The following SLC26A1 variants were observed in gnomAD, a reference collection of about 807,000 sequenced individuals.
The protein encoded by SLC26A1 is solute carrier family 26 member 1, also known as sulfate anion transporter 1.
SLC26A1 carries 18 observed loss-of-function variants against 14.5 expected under a neutral mutation model. The observed-to-expected ratio is 1.24, with a 90% confidence interval of 0.86 to 1.84. The LOEUF (loss-of-function observed/expected upper bound fraction) is 1.84. Among genes scored for constraint, SLC26A1 ranks in the 40% most tolerant of loss-of-function variants. SLC26A1 has a pLI of 0.00. For synonymous variants in SLC26A1, 505 were observed against 492.0 expected (o/e 1.03, Z -0.35); for missense variants, 1,049 against 1,020.0 (o/e 1.03, Z -0.39).
At chr4:982,099 A>G (rs1025060976) in intron 2 of SLC26A1, among the ~76,000 whole-genome samples, 1 of 151,640 alleles carries the variant, frequency 6.6e-6, no homozygotes, top group African/African-American at 2.4e-5. Flanking sequence ...TATTACAGGC[A>G]TGAGCCAGCG....
chr4:987,003 T>C, downstream of SLC26A1: 2 of 1,092,970 alleles, frequency 1.8e-6, no homozygotes, highest in Admixed American at 2.5e-5. Flanking sequence ...GGCGGTCACA[T>C]GGGGTGCGCG....
intron 1 of SLC26A1, chr4:992,168 C>T (rs1363846828): frequency 4.3e-6 from 2 of 465,430 alleles, no homozygotes; most frequent in Admixed American, 2.3e-5. Flanking sequence ...GTCACAGTCA[C>T]TGGACACAGG....
At chr4:985,454 C>T (rs1037525198), downstream of SLC26A1, among the ~76,000 whole-genome samples, 4 of 152,250 alleles carry the variant, frequency 2.6e-5, no homozygotes, top group African/African-American at 9.6e-5. Context: ...ATTCAGTTTC[C>T]ATTGCTGTGT....
At position 991,498 on chromosome 4, in the gene SLC26A1, A is replaced by G. The variant is rs201305899; in HGVS notation, c.206T>C (p.Leu69Pro). The change falls in exon 2 of 3, where the codon CTG becomes CCG. Residue 69 changes from leucine to proline, a missense_variant. Transcript: ENST00000398516. ...WLRQYRPREY[L>P]AGDVMSGLVI... is the part of the protein sequence containing the mutation. Reference sequence around the variant, plus strand: ...CAGCCCAGACATGACGTCGCCTGCCAGGTACTCCCGCGGGCGGTACTGACG... The same window carrying G: ...CAGCCCAGACATGACGTCGCCTGCCGGGTACTCCCGCGGGCGGTACTGACG... The G allele has an allele frequency of 2.5e-5, 41 of 1,610,182 alleles. No individual in the cohort carries two copies. The highest frequency in any genetic ancestry group is 3.4e-5 in the Non-Finnish European group (40 of 1,178,018).
chr4:992,154 G>A (rs1714408968), intron 1 of SLC26A1: 1 of 470,488 alleles, frequency 2.1e-6, no homozygotes, highest in South Asian at 1.5e-5. Context: ...CCTACCGTCA[G>A]AATGTCACAG....
chr4:985,490 G>A (rs1713682635), downstream of SLC26A1, among the ~76,000 whole-genome samples: 1 of 152,228 alleles, frequency 6.6e-6, no homozygotes, highest in Non-Finnish European at 1.5e-5. Flanking sequence ...GGGACTGGTG[G>A]TTTCTTACTG....
downstream of SLC26A1, chr4:986,873 A>T (rs1217611993): frequency 3.0e-5 from 20 of 655,744 alleles, no homozygotes; most frequent in East Asian, 5.8e-4. Flanking sequence ...GCAGCCCCTG[A>T]GGCCCGCAAG....
In SLC26A1 at chr4:990,095, C is replaced by T. The variant is rs369252520; in HGVS notation, c.844G>A (p.Asp282Asn). ...ACCCTCAGGCGGTGTCGGTAGCGGT[C>T]TGAGAGCTCCTTCGCGGCTAGCAGC... ...AVLLAAKELSDRYRHRLRVPL... is the reference protein window; with the variant it reads ...AVLLAAKELSNRYRHRLRVPL... The change falls in exon 3 of 3, where the codon GAC becomes AAC. Residue 282 changes from aspartate (D) to asparagine (N), a missense_variant. Asp to Asn is a conservative substitution (Grantham distance 23). Transcript: ENST00000398516. The T allele has an allele frequency of 1.1e-5, 17 of 1,594,908 alleles. No homozygotes were observed. The highest frequency in any genetic ancestry group is 1.4e-5 in the Non-Finnish European group (17 of 1,172,758).
At position 991,402 on chromosome 4, in the gene SLC26A1, C is replaced by T. The variant is rs1389494091; in HGVS notation, c.302G>A (p.Ser101Asn). Residue 101 changes from serine (S) to asparagine (N), a missense_variant, in exon 2 of 3, where the codon AGC becomes AAC. Ser to Asn is a conservative substitution (Grantham distance 46). Transcript: ENST00000398516. ...GTTGGCGAAGAAGGACGTATAGAGGCTGTAGATGGGCTGCAGCCCGGCCAG... is the reference window on the plus strand; with the variant it reads ...GTTGGCGAAGAAGGACGTATAGAGGTTGTAGATGGGCTGCAGCCCGGCCAG... ...SLLAGLQPIY[S>N]LYTSFFANLI... is the part of the protein sequence containing the mutation. 1.2e-6 allele frequency: 2 copies of T among 1,612,838 alleles called. No individual in the cohort carries two copies. Among genetic ancestry groups the T allele is most frequent in the Non-Finnish European group, 1.7e-6 (2 of 1,179,972 alleles).
Position 988,221 on chromosome 4 carries a change from C to T in SLC26A1, c.*612G>A. 1 of 1,322,438 alleles carries T rather than the reference C, an allele frequency of 7.6e-7. No individual in the cohort carries two copies. 81.9% of individuals were successfully genotyped at this position (1,322,438 alleles called of 1,614,324 possible). On this transcript the variant is annotated 3_prime_UTR_variant, in exon 3 of 3. Transcript: ENST00000398516. The stretch of plus-strand genomic sequence containing the variant: ...GGCTCCTGGTGCACCCGTGAGCATC[C>T]CTGTGTGTGTCTGCTGGCCAGGCTG...
In SLC26A1 at chr4:987,956, G is replaced by A. The variant is rs200911718; in HGVS notation, c.*877C>T. The A allele has an allele frequency of 4.3e-3, 6,760 of 1,565,320 alleles. 32 individuals are homozygous for A. The highest frequency in any genetic ancestry group is 5.3e-3 in the Non-Finnish European group (6,117 of 1,155,180). On this transcript the variant is annotated 3_prime_UTR_variant, in exon 3 of 3. Transcript: ENST00000398516. ...TGGAGCTTGTCACCACCAGGTGGGC[G>A]GCGGGCAGGGTCTGGGCGTCCCAGA...
At chr4:980,717 AGAAG>A (rs1219344030) in intron 2 of SLC26A1, among the ~76,000 whole-genome samples, 2 of 152,114 alleles carry the variant, frequency 1.3e-5, no homozygotes, top group Non-Finnish European at 2.9e-5. Context: ...TAAGAAAAAA[AGAAG>A]GAAGGATTAC....
downstream of SLC26A1, among the ~76,000 whole-genome samples, chr4:986,349 A>G (rs1325158289): frequency 6.6e-6 from 1 of 152,206 alleles, no homozygotes; most frequent in Non-Finnish European, 1.5e-5. Flanking sequence ...CCCAGATACC[A>G]AAATTTGCAG....
At chr4:987,266 A>AC, downstream of SLC26A1, 1 of 1,511,260 alleles carries the variant, frequency 6.6e-7, no homozygotes, top group South Asian at 1.2e-5. Flanking sequence ...GGCCTCCGGG[A>AC]CCCCCTGGCC....
downstream of SLC26A1, chr4:986,887 G>A (rs377110114): frequency 6.0e-6 from 4 of 663,114 alleles, no homozygotes; most frequent in South Asian, 4.5e-5. Context: ...CCGCAAGGAA[G>A]CGGGGCTCCA....
In SLC26A1 at chr4:991,115, C is replaced by T. The variant is rs1193523884; in HGVS notation, c.576+13G>A. 6.6e-7 allele frequency: 1 copy of T among 1,524,460 alleles called. No homozygotes were observed. Among genetic ancestry groups the T allele is most frequent in the Non-Finnish European group, 8.8e-7 (1 of 1,135,542 alleles). 94.4% of individuals were successfully genotyped at this position (1,524,460 alleles called of 1,614,324 possible). On this transcript the variant is annotated intron_variant, in intron 2 of 2. Transcript: ENST00000398516. ...CCCTGGGCCCCTCCCTGTGCCCAAG[C>T]AGGGCTCCTCACCTGGTAAAGCCCG... is the stretch of plus-strand genomic sequence containing the variant.
chr4:984,636 G>A (rs564057079), downstream of SLC26A1, among the ~76,000 whole-genome samples: 1 of 152,140 alleles, frequency 6.6e-6, no homozygotes, highest in African/African-American at 2.4e-5. Flanking sequence ...GTCGAGACCA[G>A]CCTGGCCAGG....
Position 989,096 on chromosome 4 carries a change from C to T in SLC26A1, c.1843G>A (p.Asp615Asn), listed in dbSNP as rs369871590. 1.2e-5 allele frequency: 20 copies of T among 1,602,090 alleles called. No individual in the cohort carries two copies. Among genetic ancestry groups the T allele is most frequent in the East Asian group, 2.3e-5 (1 of 44,170 alleles). ...TCTAGGAACAGCAGCGGGGCGCAGT[C>T]GATGACCACTGTGTGGAAGCCGGCC... ...AAAGFHTVVI[D>N]CAPLLFLDAA... is the part of the protein sequence containing the mutation. Residue 615 changes from aspartate (D) to asparagine (N), a missense_variant, in exon 3 of 3, where the codon GAC (aspartate) becomes AAC (asparagine). Physicochemically the swap from Asp to Asn is conservative, Grantham distance 23. Coordinates refer to ENST00000398516, the MANE Select transcript of SLC26A1 (RefSeq NM_022042.4).
Position 990,377 on chromosome 4 carries a change from C to G in SLC26A1, c.577-15G>C, listed in dbSNP as rs192314032. Reference sequence around the variant, plus strand: ...CCCATGAGGACCTGTGGACGGAGTGCGGTCAGGCCAGCAGGCGCCTGGCGG... The same window carrying G: ...CCCATGAGGACCTGTGGACGGAGTGGGGTCAGGCCAGCAGGCGCCTGGCGG... On this transcript the variant is annotated splice_polypyrimidine_tract_variant and intron_variant, in intron 2 of 2. Coordinates refer to ENST00000398516, the MANE Select transcript of SLC26A1 (RefSeq NM_022042.4). The G allele has an allele frequency of 2.3e-5, 36 of 1,576,424 alleles. No homozygotes were observed. In the African/African-American group the frequency reaches 3.1e-4, roughly 14 times the overall value.
Sources: gnomAD v4.1 joint callset for allele counts (sites outside exome capture counted in the v4.1 genomes callset) on GRCh38, gnomAD v4.1.1 for gene constraint, MANE v1.5 for transcripts, NCBI Gene and HGNC (gene_info 2026-07-23, HGNC 2026-07-21) for gene names.